The following EYA2 variants were observed in gnomAD, a reference collection of about 807,000 sequenced individuals.
EYA2 encodes the protein protein phosphatase EYA2.
A neutral mutation model predicts 69.2 loss-of-function variants in EYA2; 31 were observed. The observed-to-expected ratio is 0.45, with a 90% CI of 0.34 to 0.60. The LOEUF (loss-of-function observed/expected upper bound fraction) is 0.60, where lower values mean the gene tolerates loss of function less well. Ranked by LOEUF, EYA2 falls within the 20% of genes least tolerant of loss-of-function variation. The pLI is 0.02. For synonymous variants in EYA2, 257 were observed against 279.4 expected, an observed-to-expected ratio of 0.92 and a Z score of 0.80; for missense variants, 622 against 701.2, an observed-to-expected ratio of 0.89 and a Z score of 1.28.
intron 5 of EYA2, among the ~76,000 whole-genome samples, chr20:47,042,316 G>C (rs1054094503): frequency 1.3e-5 from 2 of 152,168 alleles, no homozygotes; most frequent in Non-Finnish European, 2.9e-5. Flanking sequence ...CAGACTCCAA[G>C]CTCTTCACTT....
intron 9 of EYA2, among the ~76,000 whole-genome samples, chr20:47,140,999 C>G (rs1009839943): frequency 3.9e-5 from 6 of 152,260 alleles, no homozygotes; most frequent in East Asian, 3.9e-4. Flanking sequence ...TTCACTGACT[C>G]TCATGGGAAG....
At chr20:46,952,553 C>T (rs145028857) in intron 1 of EYA2, among the ~76,000 whole-genome samples, 1 of 152,314 alleles carries the variant, frequency 6.6e-6, no homozygotes, top group African/African-American at 2.4e-5. Context: ...CTCTGCTGAA[C>T]AGTGAAGGGC....
intron 5 of EYA2, among the ~76,000 whole-genome samples, chr20:47,023,690 T>G (rs558254786): frequency 7.4e-6 from 1 of 135,256 alleles, no homozygotes; most frequent in East Asian, 2.3e-4. Context: ...CAGGCTGGAG[T>G]GCAGTGGCGT....
At chr20:47,087,592 C>T (rs1050427859) in intron 7 of EYA2, among the ~76,000 whole-genome samples, 7 of 152,208 alleles carry the variant, frequency 4.6e-5, no homozygotes, top group African/African-American at 9.6e-5. Flanking sequence ...AACATCTGTG[C>T]GTAAGCAGCA....
chr20:47,092,887 AAGG>A (rs2032128408), intron 8 of EYA2, among the ~76,000 whole-genome samples: 1 of 152,164 alleles, frequency 6.6e-6, no homozygotes, highest in Admixed American at 6.6e-5. Context: ...TGGAAGTGGA[AAGG>A]AGGAAAATTC....
chr20:47,078,327 G>GCCCA (rs1249113834), intron 7 of EYA2, among the ~76,000 whole-genome samples: 1 of 78,002 alleles, frequency 1.3e-5, no homozygotes, highest in Non-Finnish European at 3.6e-5. Flanking sequence ...GTGCGCGCGC[G>GCCCA]CGCGCACACA....
intron 2 of EYA2, among the ~76,000 whole-genome samples, chr20:46,992,818 G>A (rs1181281548): frequency 6.6e-6 from 1 of 152,144 alleles, no homozygotes; most frequent in Non-Finnish European, 1.5e-5. Flanking sequence ...CTTTCTCATG[G>A]GGCAGGTGGT....
At chr20:47,171,413 GTTTTT>G (rs1215833847) in intron 11 of EYA2, among the ~76,000 whole-genome samples, 5 of 151,242 alleles carry the variant, frequency 3.3e-5, no homozygotes, top group Admixed American at 3.3e-4. Flanking sequence ...GTTTTGTTTT[GTTTTT>G]TTCAGTTAGC....
chr20:47,073,957 G>C (rs1275211984), intron 6 of EYA2, among the ~76,000 whole-genome samples: 2 of 152,050 alleles, frequency 1.3e-5, no homozygotes, highest in Non-Finnish European at 2.9e-5. Context: ...TCCCCTGCTG[G>C]TGTCTCCTTC....
At chr20:47,060,139 T>C (rs2030813591) in intron 5 of EYA2, among the ~76,000 whole-genome samples, 2 of 152,212 alleles carry the variant, frequency 1.3e-5, no homozygotes, top group Admixed American at 6.5e-5. Context: ...AGCTGAATAG[T>C]GTTCTATCAG....
intron 3 of EYA2, among the ~76,000 whole-genome samples, chr20:47,004,613 A>G (rs1488959683): frequency 1.3e-5 from 2 of 152,128 alleles, no homozygotes; most frequent in African/African-American, 4.8e-5. Context: ...TGTGCCCTCC[A>G]CAGTTGCTAT....
chr20:47,146,583 C>T (rs577673878), intron 10 of EYA2, among the ~76,000 whole-genome samples: 61 of 152,298 alleles, frequency 4.0e-4, no homozygotes, highest in Admixed American at 9.8e-4. Context: ...CCACGTTATA[C>T]GATGATGAAG....
chr20:47,132,134 A>G (rs2033357417), intron 9 of EYA2, among the ~76,000 whole-genome samples: 1 of 152,086 alleles, frequency 6.6e-6, no homozygotes, highest in Non-Finnish European at 1.5e-5. Context: ...TTTTTTGTAG[A>G]GATGAAGTCT....
intron 1 of EYA2, among the ~76,000 whole-genome samples, chr20:46,962,631 G>A (rs1048380858): frequency 3.9e-5 from 6 of 152,116 alleles, no homozygotes; most frequent in Admixed American, 6.5e-5. Context: ...ATCATATGTC[G>A]CCTCTTCCAT....
At position 47,035,273 on chromosome 20, in the gene EYA2, C is replaced by T. The variant is rs550252503; in HGVS notation, c.415+18976C>T. On this transcript the variant is annotated intron_variant, in intron 5 of 15. Transcript: ENST00000327619. ...GGCTTGTATTAGTCTCAGTCTGAGA[C>T]GGTGGCGGCAAAGATGGTCTAGGCC... 2.0e-5 allele frequency among the ~76,000 whole-genome samples: 3 copies of T among 152,270 alleles called. No homozygotes were observed. In the East Asian group the frequency reaches 5.8e-4, roughly 29 times the overall value.
At chr20:46,899,250 G>A (rs117104555) in intron 1 of EYA2, among the ~76,000 whole-genome samples, 2,105 of 152,298 alleles carry the variant, frequency 0.014, 26 homozygotes, top group Non-Finnish European at 0.022. Context: ...ATTTCCTTTG[G>A]AGGAAGATGC....
chr20:47,019,053 C>G (rs953512265), intron 5 of EYA2, among the ~76,000 whole-genome samples: 11 of 152,206 alleles, frequency 7.2e-5, no homozygotes, highest in African/African-American at 2.7e-4. Context: ...GTCACTTACC[C>G]AAGGTCACAC....
chr20:47,144,084 G>C (rs552608347), intron 10 of EYA2, among the ~76,000 whole-genome samples: 1 of 152,312 alleles, frequency 6.6e-6, no homozygotes, highest in Non-Finnish European at 1.5e-5. Context: ...CCGGCCGGGC[G>C]CGGTGGCTCA....
At chr20:46,949,408 T>TC (rs1978665749) in intron 1 of EYA2, among the ~76,000 whole-genome samples, 1 of 152,146 alleles carries the variant, frequency 6.6e-6, no homozygotes, top group Non-Finnish European at 1.5e-5. Context: ...CAGTCAAGAC[T>TC]TTCAGGTAAA....
Sources: gnomAD v4.1 joint callset for allele counts (sites outside exome capture counted in the v4.1 genomes callset) on GRCh38, gnomAD v4.1.1 for gene constraint, MANE v1.5 for transcripts, NCBI Gene and HGNC (gene_info 2026-07-23, HGNC 2026-07-21) for gene names.